The following PDZRN3 variants were observed in gnomAD, a reference collection of about 807,000 sequenced individuals.
PDZRN3 encodes the protein E3 ubiquitin-protein ligase PDZRN3.
Under a neutral mutation model 85.7 loss-of-function variants are expected in PDZRN3, and 38 were observed. The ratio of observed to expected loss-of-function variants is 0.44; its 90% confidence interval spans 0.34 to 0.58. The LOEUF is 0.58. Ranked by LOEUF, PDZRN3 falls within the 20% of genes least tolerant of loss-of-function variation. PDZRN3 has a pLI of 0.01. For missense variants in PDZRN3, 1,629 were observed against 1,506.4 expected (o/e 1.08, Z -1.35); for synonymous variants, 759 against 638.0 (o/e 1.19, Z -2.86).
At chr3:73,390,454 G>A (rs1223264097) in intron 6 of PDZRN3, among the ~76,000 whole-genome samples, 2 of 152,074 alleles carry the variant, frequency 1.3e-5, no homozygotes, top group South Asian at 2.1e-4. Context: ...GACAAAATTG[G>A]GTTTCTGTGT....
intron 3 of PDZRN3, among the ~76,000 whole-genome samples, chr3:73,490,555 T>C (rs965435097): frequency 6.6e-6 from 1 of 152,168 alleles, no homozygotes; most frequent in Non-Finnish European, 1.5e-5. Context: ...GTACCAAAGA[T>C]CAAAGGTTTT....
intron 8 of PDZRN3, among the ~76,000 whole-genome samples, chr3:73,386,956 G>A (rs534429979): frequency 6.6e-5 from 10 of 152,268 alleles, no homozygotes; most frequent in South Asian, 6.2e-4. Flanking sequence ...CGTGTTGTGC[G>A]AGGGACCTCG....
At position 73,415,280 on chromosome 3, in the gene PDZRN3, A is replaced by G. The variant is rs1032577981; in HGVS notation, c.919-10885T>C. ...GTGGGGAGGAAGAGAGGAGAGGGAAAGGCATGTGCAAAGGTCCTGTGGTAG... is the reference window on the plus strand; with the variant it reads ...GTGGGGAGGAAGAGAGGAGAGGGAAGGGCATGTGCAAAGGTCCTGTGGTAG... On this transcript the variant is annotated intron_variant, in intron 3 of 9. Transcript: ENST00000263666. Among the ~76,000 whole-genome samples the G allele has an allele frequency of 2.6e-5, 4 of 152,126 alleles. No individual in the cohort carries two copies. In the South Asian group the frequency reaches 8.3e-4, roughly 32 times the overall value.
intron 3 of PDZRN3, among the ~76,000 whole-genome samples, chr3:73,542,355 G>A (rs1704944047): frequency 6.6e-6 from 1 of 152,186 alleles, no homozygotes; most frequent in South Asian, 2.1e-4. Context: ...CACTGCCTGG[G>A]CATCAATCCC....
intron 6 of PDZRN3, 87 bp from the exon 7 acceptor site, chr3:73,389,965 G>T: frequency 1.1e-6 from 1 of 936,826 alleles, no homozygotes; most frequent in Non-Finnish European, 1.8e-6. Context: ...CTAAAACACA[G>T]TCATGCTCAC....
chr3:73,547,847 G>A (rs1487364099), intron 3 of PDZRN3, among the ~76,000 whole-genome samples: 3 of 152,196 alleles, frequency 2.0e-5, no homozygotes, highest in Non-Finnish European at 2.9e-5. Context: ...CTCTTGGCAA[G>A]TCCCAACTTC....
chr3:73,586,658 G>C (rs997821182), intron 3 of PDZRN3, among the ~76,000 whole-genome samples: 1 of 152,132 alleles, frequency 6.6e-6, no homozygotes, highest in African/African-American at 2.4e-5. Flanking sequence ...ACCTATTTAG[G>C]TGTAACTTAC....
intron 3 of PDZRN3, among the ~76,000 whole-genome samples, chr3:73,535,313 T>A (rs1704756251): frequency 6.6e-6 from 1 of 152,210 alleles, no homozygotes; most frequent in South Asian, 2.1e-4. Flanking sequence ...ACAGTGACAA[T>A]CACTTTGTGA....
Position 73,585,729 on chromosome 3 carries a change from A to T in PDZRN3, c.918+16625T>A, listed in dbSNP as rs375674332. Among the ~76,000 whole-genome samples, 132 of 152,342 alleles carry T rather than the reference A, an allele frequency of 8.7e-4. No individual in the cohort carries two copies. The South Asian group carries it at 0.01, about 12-fold the overall frequency. ...ATCGAAGAAATGGCACACTCAAAAT[A>T]GGTGTCAGCAAAGGCATCTTCCAGA... On this transcript the variant is annotated intron_variant, in intron 3 of 9. Coordinates refer to ENST00000263666, the MANE Select transcript of PDZRN3 (RefSeq NM_015009.3).
At chr3:73,402,960 T>TTTTTTTTTTTTTTTTTTG (rs1429244382) in intron 4 of PDZRN3, among the ~76,000 whole-genome samples, 2 of 99,016 alleles carry the variant, frequency 2.0e-5, no homozygotes, top group African/African-American at 7.3e-5. Flanking sequence ...TTTTTTTTTT[T>TTTTTTTTTTTTTTTTTTG]TGAGACGGAG....
chr3:73,438,554 C>T (rs746787914), intron 3 of PDZRN3, among the ~76,000 whole-genome samples: 1 of 152,180 alleles, frequency 6.6e-6, no homozygotes, highest in African/African-American at 2.4e-5. Flanking sequence ...GGAAACAGGT[C>T]TGTGTGGAGC....
intron 3 of PDZRN3, among the ~76,000 whole-genome samples, chr3:73,489,506 G>C (rs1230332415): frequency 6.6e-6 from 1 of 151,240 alleles, no homozygotes; most frequent in South Asian, 2.1e-4. Flanking sequence ...GACTTCAGAG[G>C]AGTTGCCCTG....
At chr3:73,499,074 G>C in intron 3 of PDZRN3, among the ~76,000 whole-genome samples, 1 of 152,052 alleles carries the variant, frequency 6.6e-6, no homozygotes, top group East Asian at 1.9e-4. Context: ...CGGTGACACC[G>C]CACGAAAGGG....
In PDZRN3 at chr3:73,563,009, A is replaced by T. The variant is rs1371785264; in HGVS notation, c.918+39345T>A. 1.9e-3 allele frequency among the ~76,000 whole-genome samples: 74 copies of T among 39,660 alleles called. 2 individuals carry two copies. Among genetic ancestry groups the T allele is most frequent in the African/African-American group, 8.0e-3 (72 of 8,954 alleles). The allele number at this position is 39,660 out of a possible 152,430, so 26.0% of individuals were successfully genotyped here. ...TATATATATATATATATATATATAT[A>T]TATATTTTTTTTTTTTTTTTTTTTT... is the stretch of plus-strand genomic sequence containing the variant. On this transcript the variant is annotated intron_variant, in intron 3 of 9. Coordinates refer to ENST00000263666, the MANE Select transcript of PDZRN3 (RefSeq NM_015009.3).
At chr3:73,549,508 G>A (rs1205112092) in intron 3 of PDZRN3, among the ~76,000 whole-genome samples, 6 of 152,152 alleles carry the variant, frequency 3.9e-5, no homozygotes, top group African/African-American at 1.4e-4. Context: ...ATCAGGTGAG[G>A]ACAAATGGAC....
At chr3:73,464,509 T>C (rs1703173098) in intron 3 of PDZRN3, among the ~76,000 whole-genome samples, 1 of 152,214 alleles carries the variant, frequency 6.6e-6, no homozygotes, top group Non-Finnish European at 1.5e-5. Flanking sequence ...TCTGCTAAGA[T>C]TTTCTATGTT....
Position 73,417,148 on chromosome 3 carries a change from C to T in PDZRN3, c.919-12753G>A, listed in dbSNP as rs538440318. The stretch of plus-strand genomic sequence containing the variant: ...AAAGTGCTGGGATTACAGGCATGAG[C>T]CACCACACCTGGATGATTTTTAGTT... On this transcript the variant is annotated intron_variant, in intron 3 of 9. Transcript: ENST00000263666. Among the ~76,000 whole-genome samples, 4 of 152,186 alleles carry T rather than the reference C, an allele frequency of 2.6e-5. No homozygotes were observed. The East Asian group carries it at 7.7e-4, about 29-fold the overall frequency.
chr3:73,453,658 C>T (rs986946270), intron 3 of PDZRN3, among the ~76,000 whole-genome samples: 3 of 151,792 alleles, frequency 2.0e-5, no homozygotes, highest in Non-Finnish European at 2.9e-5. Flanking sequence ...GAATTAGCAA[C>T]GTTGATATTG....
At chr3:73,559,399 G>A (rs984499152) in intron 3 of PDZRN3, among the ~76,000 whole-genome samples, 14 of 150,680 alleles carry the variant, frequency 9.3e-5, no homozygotes, top group Non-Finnish European at 1.3e-4. Context: ...AGATTATGAC[G>A]TTAAATGAGG....
Sources: gnomAD v4.1 joint callset for allele counts (sites outside exome capture counted in the v4.1 genomes callset) on GRCh38, gnomAD v4.1.1 for gene constraint, MANE v1.5 for transcripts, NCBI Gene and HGNC (gene_info 2026-07-23, HGNC 2026-07-21) for gene names.